FOXO1: variants seen among roughly 807,000 people sequenced by gnomAD.
FOXO1 encodes forkhead box protein O1.
In FOXO1, 6 loss-of-function variants were observed where a neutral mutation model predicts 44.1. The observed-to-expected ratio is 0.14, with a 90% CI of 0.07 to 0.27. The LOEUF is 0.27. FOXO1 is among the 10% of genes least tolerant of loss of function. The pLI is 1.00. For missense variants in FOXO1, 737 were observed against 888.8 expected (o/e 0.83, Z 2.17); for synonymous variants, 380 against 362.7 (o/e 1.05, Z -0.54).
chr13:40,645,394 C>CTAGGGGAGTGAGTCATTCT lies in FOXO1; in HGVS notation c.630+20188_630+20189insAGAATGACTCACTCCCCTA, dbSNP rs1207089251. Reference sequence around the variant, plus strand: ...AGAGGTAACTTCCATTTAGCTCACTCCCCTAAGTCATTCTCCTTGTGGATT... The same window carrying CTAGGGGAGTGAGTCATTCT: ...AGAGGTAACTTCCATTTAGCTCACTCTAGGGGAGTGAGTCATTCTCCCTAAGTCATTCTCCTTGTGGATT... On this transcript the variant is annotated intron_variant, in intron 1 of 2. Coordinates refer to ENST00000379561, the MANE Select transcript of FOXO1 (RefSeq NM_002015.4). 2.6e-5 allele frequency among the ~76,000 whole-genome samples: 4 copies of CTAGGGGAGTGAGTCATTCT among 152,278 alleles called. No individual in the cohort carries two copies. The East Asian group carries it at 7.7e-4, about 29-fold the overall frequency.
intron 1 of FOXO1, among the ~76,000 whole-genome samples, chr13:40,652,532 C>T (rs987389547): frequency 2.0e-5 from 3 of 152,106 alleles, no homozygotes; most frequent in Non-Finnish European, 2.9e-5. Flanking sequence ...GCCACCGTGC[C>T]GGCCCAAACT....
In FOXO1 at chr13:40,666,441, G is replaced by T; in HGVS notation, c.-229C>A. 2.6e-6 allele frequency: 1 copy of T among 391,542 alleles called. No individual in the cohort carries two copies. The highest frequency in any genetic ancestry group is 4.5e-5 in the Admixed American group (1 of 22,012). 24.3% of individuals were successfully genotyped at this position (391,542 alleles called of 1,614,324 possible). ...GAGGCTCCTCGGGGTCCGCCGCACG[G>T]ACTGGACGGCCGGCCAGAGCCGCCG... On this transcript the variant is annotated 5_prime_UTR_variant, in exon 1 of 3. Coordinates refer to ENST00000379561, the MANE Select transcript of FOXO1 (RefSeq NM_002015.4).
At chr13:40,571,929 T>TA (rs1276374076) in intron 1 of FOXO1, among the ~76,000 whole-genome samples, 2 of 152,234 alleles carry the variant, frequency 1.3e-5, no homozygotes, top group African/African-American at 4.8e-5. Context: ...ATGAAGAATT[T>TA]AAATTAGGCA....
chr13:40,625,362 T>A (rs1364416430), intron 1 of FOXO1, among the ~76,000 whole-genome samples: 1 of 152,182 alleles, frequency 6.6e-6, no homozygotes, highest in Non-Finnish European at 1.5e-5. Flanking sequence ...TAAATATGGG[T>A]ATCAACAATT....
chr13:40,628,128 T>A (rs551824552), intron 1 of FOXO1, among the ~76,000 whole-genome samples: 2 of 152,212 alleles, frequency 1.3e-5, no homozygotes, highest in East Asian at 3.9e-4. Flanking sequence ...AACGGGTACA[T>A]AAAAGTTTTT....
intron 1 of FOXO1, among the ~76,000 whole-genome samples, chr13:40,584,385 A>G (rs1721644744): frequency 1.4e-5 from 2 of 139,428 alleles, no homozygotes; most frequent in East Asian, 4.7e-4. Flanking sequence ...GCACTTTGGG[A>G]GGTCAAGGTA....
intron 1 of FOXO1, among the ~76,000 whole-genome samples, chr13:40,637,709 T>A (rs1877208434): frequency 6.6e-6 from 1 of 152,192 alleles, no homozygotes; most frequent in Admixed American, 6.5e-5. Context: ...GAGTTACTAT[T>A]TACATTCTTC....
chr13:40,601,057 C>A (rs1274754011), intron 1 of FOXO1, among the ~76,000 whole-genome samples: 1 of 152,110 alleles, frequency 6.6e-6, no homozygotes, highest in Non-Finnish European at 1.5e-5. Flanking sequence ...ATCCCACAGC[C>A]ACAGATTATT....
chr13:40,666,017 CAG>C lies in FOXO1; in HGVS notation c.194_195del (p.Ala65GlyfsTer135). 1 of 1,273,366 alleles carries C rather than the reference CAG, an allele frequency of 7.9e-7. No individual in the cohort carries two copies. Among genetic ancestry groups the C allele is most frequent in the East Asian group, 3.2e-5 (1 of 31,628 alleles). 78.9% of individuals were successfully genotyped at this position (1,273,366 alleles called of 1,614,324 possible). On this transcript the variant is annotated frameshift_variant, in exon 1 of 3. Transcript: ENST00000379561. LOFTEE classifies it high-confidence loss of function. ...AAGLPSASAA[A>X]VSADFMSNLS... ...AGGTTGCTCATGAAGTCGGCGCTGACAGCGGCAGCCGAGGCCGAGGGCAGGCC... is the reference window on the plus strand; with the variant it reads ...AGGTTGCTCATGAAGTCGGCGCTGACCGGCAGCCGAGGCCGAGGGCAGGCC...
intron 1 of FOXO1, chr13:40,621,307 G>A (rs1876605971): frequency 2.9e-6 from 2 of 696,860 alleles, no homozygotes; most frequent in Admixed American, 2.6e-5. Flanking sequence ...TGTCCGATCT[G>A]TCAGCAGCCT....
chr13:40,568,648 G>A (rs1874361986), intron 1 of FOXO1, among the ~76,000 whole-genome samples: 1 of 152,160 alleles, frequency 6.6e-6, no homozygotes, highest in Non-Finnish European at 1.5e-5. Context: ...GCTGAGAATA[G>A]CTAATCTACA....
chr13:40,642,782 T>C (rs73467095), intron 1 of FOXO1, among the ~76,000 whole-genome samples: 125 of 152,008 alleles, frequency 8.2e-4, no homozygotes, highest in African/African-American at 3.0e-3. Flanking sequence ...TAGTCTACCA[T>C]GGTGGCGTGC....
intron 1 of FOXO1, among the ~76,000 whole-genome samples, chr13:40,591,502 A>T (rs1473824923): frequency 6.6e-6 from 1 of 152,120 alleles, no homozygotes; most frequent in Non-Finnish European, 1.5e-5. Context: ...AGAACAGGAA[A>T]CCTGGTGCCA....
chr13:40,662,821 G>A (rs1306993441), intron 1 of FOXO1, among the ~76,000 whole-genome samples: 1 of 152,098 alleles, frequency 6.6e-6, no homozygotes, highest in Non-Finnish European at 1.5e-5. Context: ...GTTAAGTTTT[G>A]GTTGCTTTGC....
At chr13:40,613,965 A>G (rs1876325258) in intron 1 of FOXO1, among the ~76,000 whole-genome samples, 1 of 152,242 alleles carries the variant, frequency 6.6e-6, no homozygotes, top group South Asian at 2.1e-4. Context: ...TAAAGGGTGA[A>G]AAAACTAGCA....
At chr13:40,584,228 A>G (rs1875064024) in intron 1 of FOXO1, among the ~76,000 whole-genome samples, 1 of 152,046 alleles carries the variant, frequency 6.6e-6, no homozygotes, top group Non-Finnish European at 1.5e-5. Flanking sequence ...TCCCTTGAGA[A>G]AGGCTGAATA....
Position 40,665,749 on chromosome 13 carries a change from G to C in FOXO1, c.464C>G (p.Ser155Cys), listed in dbSNP as rs1245991053. 1.2e-5 allele frequency: 17 copies of C among 1,420,032 alleles called. No individual in the cohort carries two copies. Among genetic ancestry groups the C allele is most frequent in the African/African-American group, 2.9e-5 (2 of 68,552 alleles). 88.0% of individuals were successfully genotyped at this position (1,420,032 alleles called of 1,614,324 possible). A position where few individuals can be genotyped will look rare whatever the true frequency, so the allele number is the denominator to read the frequency against. The stretch of plus-strand genomic sequence containing the variant: ...CAGGTTGCCCCACGCGTTGCGGCGG[G>C]ACGAGCTGCTCTTGCGCGGCTGCCC... Reference protein sequence around the residue: ...LAGQPRKSSSSRRNAWGNLSY... With the variant: ...LAGQPRKSSSCRRNAWGNLSY... Residue 155 changes from serine to cysteine, a missense_variant, in exon 1 of 3, where the codon TCC becomes TGC. Coordinates refer to ENST00000379561, the MANE Select transcript of FOXO1 (RefSeq NM_002015.4).
rs1215830966 is a variant in FOXO1, at chr13:40,558,538, T to G, written c.*511A>C. Reference sequence around the variant, plus strand: ...TTCAATGGAGATGCAGAATGGAGATTCAGTTCTTTGTGATCCGTCAGTTCC... The same window carrying G: ...TTCAATGGAGATGCAGAATGGAGATGCAGTTCTTTGTGATCCGTCAGTTCC... On this transcript the variant is annotated 3_prime_UTR_variant, in exon 3 of 3. Transcript: ENST00000379561. 1.6e-5 allele frequency: 4 copies of G among 248,414 alleles called. No homozygotes were observed. In the East Asian group the frequency reaches 2.2e-4, roughly 13 times the overall value. The allele number at this position is 248,414 out of a possible 1,614,324, so 15.4% of individuals were successfully genotyped here.
At chr13:40,566,149 C>T (rs901013577) in intron 1 of FOXO1, among the ~76,000 whole-genome samples, 2 of 152,180 alleles carry the variant, frequency 1.3e-5, no homozygotes, top group African/African-American at 4.8e-5. Context: ...ATGTGCAGAG[C>T]AGCAGCAGGG....
Sources: allele counts gnomAD v4.1 joint callset (sites outside exome capture counted in the v4.1 genomes callset), GRCh38; gene constraint gnomAD v4.1.1; transcripts MANE v1.5; gene names NCBI Gene and HGNC (gene_info 2026-07-23, HGNC 2026-07-21).